Variants in PI4KA observed in about 807,000 individuals in gnomAD.
PI4KA encodes the protein PI4-kinase alpha.
In PI4KA, 122 loss-of-function variants were observed where a neutral mutation model predicts 271.4. The ratio of observed to expected loss-of-function variants is 0.45; its 90% CI spans 0.39 to 0.52. PI4KA has a LOEUF of 0.52. Ranked by LOEUF, PI4KA falls within the 20% of genes least tolerant of loss-of-function variation. PI4KA has a pLI of 0.00. For missense variants in PI4KA, 1,969 were observed against 2,769.1 expected (o/e 0.71, Z 6.48); for synonymous variants, 1,041 against 1,078.8 (o/e 0.96, Z 0.69).
chr22:20,721,757 C>T (rs2147206028), intron 42 of PI4KA: 1 of 253,548 alleles, frequency 3.9e-6, no homozygotes, highest in African/African-American at 2.1e-5. Flanking sequence ...GTACTAAAAA[C>T]TCACTTGTGA....
chr22:20,858,625 G>C lies in PI4KA; in HGVS notation c.101C>G (p.Thr34Arg). Residue 34 changes from threonine (T) to arginine (R), a missense_variant, in exon 1 of 55, where the codon ACG (threonine) becomes AGG (arginine). By Grantham distance (71) the Thr-to-Arg change is moderately conservative (BLOSUM62 -1). Around this residue, in one of 13 missense-constraint regions of PI4KA, gnomAD observed 540 missense variants for 555.5 expected, o/e 0.97. Coordinates refer to ENST00000255882, the MANE Select transcript of PI4KA (RefSeq NM_058004.4). Reference protein sequence around the residue: ...SSASRGFYFNTVLSLARSLAV... With the variant: ...SSASRGFYFNRVLSLARSLAV... ...CAGGGAGCGGGCCAGTGACAGGACC[G>C]TGTTGAAATAGAAGCCCCGCGAGGC... 2 of 1,487,678 alleles carry C rather than the reference G, an allele frequency of 1.3e-6. No individual in the cohort carries two copies. Among genetic ancestry groups the C allele is most frequent in the Non-Finnish European group, 1.8e-6 (2 of 1,125,244 alleles). The allele number at this position is 1,487,678 out of a possible 1,614,324, so 92.2% of individuals were successfully genotyped here. A position where few individuals can be genotyped will look rare whatever the true frequency, so the allele number is the denominator to read the frequency against.
chr22:20,803,049 T>C, intron 13 of PI4KA, 142 bp downstream of exon 13: 1 of 797,244 alleles, frequency 1.3e-6, no homozygotes, highest in Non-Finnish European at 2.1e-6. Flanking sequence ...GCCTGGAGCT[T>C]GGAGGGGACG....
chr22:20,727,589 T>C (rs1316687442), intron 40 of PI4KA, 185 bp downstream of exon 40: 15 of 685,518 alleles, frequency 2.2e-5, no homozygotes, highest in Non-Finnish European at 3.7e-5. Flanking sequence ...TACATTTTTT[T>C]CTACTGTGAA....
intron 1 of PI4KA, among the ~76,000 whole-genome samples, chr22:20,847,739 A>G (rs1365125397): frequency 7.0e-6 from 1 of 143,600 alleles, no homozygotes; most frequent in Non-Finnish European, 1.5e-5. Context: ...CCTGAGTGAT[A>G]GTGAGACCCT....
chr22:20,728,913 C>T (rs1457776888), intron 39 of PI4KA, among the ~76,000 whole-genome samples: 1 of 152,180 alleles, frequency 6.6e-6, no homozygotes, highest in African/African-American at 2.4e-5. Flanking sequence ...GCAGCATGTG[C>T]CTCCTCCAAA....
At position 20,803,240 on chromosome 22, in the gene PI4KA, C is replaced by T. The variant is rs754132032; in HGVS notation, c.1542G>A (p.Pro514=). The T allele has an allele frequency of 3.8e-5, 62 of 1,613,922 alleles. No individual in the cohort carries two copies. The highest frequency in any genetic ancestry group is 1.6e-4 in the Middle Eastern group (1 of 6,084). The change falls in exon 13 of 55, where the codon CCG becomes CCA. Residue 514 remains proline (P), a synonymous_variant. Coordinates refer to ENST00000255882, the MANE Select transcript of PI4KA (RefSeq NM_058004.4). Reference sequence around the variant, plus strand: ...TGTAGAGCTTCACCAGAACTGGGGACGGGATGACCAGGAAGTCTCGCAAGG... The same window carrying T: ...TGTAGAGCTTCACCAGAACTGGGGATGGGATGACCAGGAAGTCTCGCAAGG... ...TPSLRDFLVI[P]SPVLVKLYKY...
At chr22:20,739,141 C>A (rs927189345) in intron 32 of PI4KA, among the ~76,000 whole-genome samples, 5 of 151,128 alleles carry the variant, frequency 3.3e-5, no homozygotes, top group Non-Finnish European at 7.4e-5. Flanking sequence ...GTCAGGAGAT[C>A]GAGACCATCC....
intron 19 of PI4KA, among the ~76,000 whole-genome samples, chr22:20,768,787 G>A (rs1569009165): frequency 1.3e-5 from 2 of 152,206 alleles, no homozygotes; most frequent in Non-Finnish European, 2.9e-5. Flanking sequence ...GCACTTTGGA[G>A]AGGGCTGTGT....
intron 1 of PI4KA, among the ~76,000 whole-genome samples, chr22:20,855,349 G>A (rs943039023): frequency 6.6e-6 from 1 of 151,866 alleles, no homozygotes; most frequent in Non-Finnish European, 1.5e-5. Flanking sequence ...CATGTGCCAG[G>A]GACTACATAT....
At position 20,716,341 on chromosome 22, in the gene PI4KA, C is replaced by T. The variant is rs564496746; in HGVS notation, c.5317+1367G>A. ...TGCTGGGATTACAGGCATGAGCCAC[C>T]GCACCCGGCCCAGGCTCCCCTTTCT... is the stretch of plus-strand genomic sequence containing the variant. On this transcript the variant is annotated intron_variant, in intron 45 of 54. Transcript: ENST00000255882. Among the ~76,000 whole-genome samples the T allele has an allele frequency of 1.7e-3, 262 of 152,324 alleles. 2 individuals are homozygous for T. Among genetic ancestry groups the T allele is most frequent in the African/African-American group, 6.0e-3 (249 of 41,574 alleles).
At chr22:20,824,283 A>C in intron 4 of PI4KA, 43 bp downstream of exon 4, 1 of 1,201,388 alleles carries the variant, frequency 8.3e-7, no homozygotes, top group African/African-American at 1.5e-5. Flanking sequence ...GACTCTATTC[A>C]ATCTAATAGA....
At position 20,813,478 on chromosome 22, in the gene PI4KA, T is replaced by C. The variant is rs1193538566; in HGVS notation, c.885A>G (p.Leu295=). The change falls in exon 8 of 55, where the codon CTA becomes CTG. Residue 295 remains leucine (L), a synonymous_variant. Coordinates refer to ENST00000255882, the MANE Select transcript of PI4KA (RefSeq NM_058004.4). ...TGGTTGAAAAGTAGTACTCAGGCTC[T>C]AGGGCAGTCCCATCGGGCAAGCAGG... is the stretch of plus-strand genomic sequence containing the variant. ...EASCLPDGTA[L]EPEYYFSTIS... is the part of the protein sequence containing the mutation. The C allele has an allele frequency of 1.2e-6, 2 of 1,614,104 alleles. No individual in the cohort carries two copies. Among genetic ancestry groups the C allele is most frequent in the East Asian group, 4.5e-5 (2 of 44,872 alleles).
chr22:20,786,557 G>A (rs1934246155), intron 19 of PI4KA, among the ~76,000 whole-genome samples: 1 of 152,208 alleles, frequency 6.6e-6, no homozygotes, highest in Admixed American at 6.5e-5. Flanking sequence ...AAACAGTGCA[G>A]CAGACCCAGT....
intron 19 of PI4KA, chr22:20,784,203 C>T: frequency 6.2e-7 from 1 of 1,614,162 alleles, no homozygotes; most frequent in Non-Finnish European, 8.5e-7. Flanking sequence ...GCGCAACTGA[C>T]ACCCCGGGTG....
chr22:20,750,705 A>G (rs997330551), intron 27 of PI4KA, among the ~76,000 whole-genome samples: 2 of 152,208 alleles, frequency 1.3e-5, no homozygotes, highest in Non-Finnish European at 2.9e-5. Flanking sequence ...CCCCATTGAC[A>G]GCTGGTCTGG....
chr22:20,856,029 C>A (rs948932312), intron 1 of PI4KA, among the ~76,000 whole-genome samples: 2 of 152,174 alleles, frequency 1.3e-5, no homozygotes, highest in Non-Finnish European at 2.9e-5. Context: ...TGCCTGTAAT[C>A]CCGGCACTTT....
chr22:20,713,523 G>A (rs1217560442), intron 47 of PI4KA, 133 bp from the exon 48 acceptor site: 2 of 671,240 alleles, frequency 3.0e-6, no homozygotes, highest in African/African-American at 3.6e-5. Context: ...AAAACCCCAA[G>A]GAGGCCAAGG....
intron 23 of PI4KA, among the ~76,000 whole-genome samples, chr22:20,753,805 G>A (rs1209137725): frequency 6.6e-6 from 1 of 152,020 alleles, no homozygotes; most frequent in African/African-American, 2.4e-5. Flanking sequence ...TCCTGCCTCA[G>A]CCTCCTGAGC....
rs1555888535 is a variant in PI4KA, at chr22:20,763,017, T to TTGGG, written c.2709-1632_2709-1631insCCCA. On this transcript the variant is annotated intron_variant, in intron 22 of 54. Transcript: ENST00000255882. ...GGCTAGGTTTTTTTGCTTTTTTTTT[T>TTGGG]GGGGGGGGGGGGGGTTAGAGACAAG... Among the ~76,000 whole-genome samples, 8 of 52,220 alleles carry TTGGG rather than the reference T, an allele frequency of 1.5e-4. No individual in the cohort carries two copies. The East Asian group carries it at 2.8e-3, about 18-fold the overall frequency. The allele number at this position is 52,220 out of a possible 152,430, so 34.3% of individuals were successfully genotyped here.
Sources: allele counts gnomAD v4.1 joint callset (sites outside exome capture counted in the v4.1 genomes callset), GRCh38; gene constraint gnomAD v4.1.1; regional missense constraint gnomAD v4.1.1; transcripts MANE v1.5; gene names NCBI Gene and HGNC (gene_info 2026-07-23, HGNC 2026-07-21).